ADAMTSL1: variants seen among roughly 807,000 people sequenced by gnomAD.
The protein encoded by ADAMTSL1 is ADAMTS like 1.
ADAMTSL1 carries 126 observed loss-of-function variants against 201.8 expected under a neutral mutation model. The observed-to-expected ratio is 0.62, with a 90% CI of 0.54 to 0.72. ADAMTSL1 has a LOEUF of 0.72. Ranked by LOEUF, ADAMTSL1 falls within the 30% of genes least tolerant of loss-of-function variation. The probability of loss-of-function intolerance (pLI) is 0.00; values close to 1 mark genes in which losing one functional copy is unlikely to be tolerated. For missense variants in ADAMTSL1, 2,679 were observed against 2,277.8 expected, an observed-to-expected ratio of 1.18 and a Z score of -3.59; for synonymous variants, 1,121 against 903.4, an observed-to-expected ratio of 1.24 and a Z score of -4.32.
chr9:18,017,373 C>G (rs1027673657), intron 1 of ADAMTSL1, among the ~76,000 whole-genome samples: 1 of 151,798 alleles, frequency 6.6e-6, no homozygotes, highest in African/African-American at 2.4e-5. Context: ...CTTTCCCAGA[C>G]CCTGCTTTTA....
chr9:18,255,356 A>G (rs80231551), intron 2 of ADAMTSL1, among the ~76,000 whole-genome samples: 70 of 105,610 alleles, frequency 6.6e-4, no homozygotes, highest in African/African-American at 2.2e-3. Context: ...TCATACTTAG[A>G]AAAAAAAAAA....
intron 2 of ADAMTSL1, among the ~76,000 whole-genome samples, chr9:18,440,227 A>T (rs1225720906): frequency 6.6e-6 from 1 of 152,162 alleles, no homozygotes; most frequent in Non-Finnish European, 1.5e-5. Context: ...GCATCCTGGG[A>T]AACACACACT....
chr9:18,810,634 A>C (rs956468587), intron 20 of ADAMTSL1, among the ~76,000 whole-genome samples: 19 of 152,206 alleles, frequency 1.2e-4, no homozygotes, highest in Admixed American at 6.5e-4. Flanking sequence ...GGTTATATGA[A>C]TATGATCTCA....
intron 21 of ADAMTSL1, among the ~76,000 whole-genome samples, chr9:18,822,420 C>A (rs1824265530): frequency 1.3e-5 from 2 of 152,160 alleles, no homozygotes; most frequent in African/African-American, 4.8e-5. Flanking sequence ...TTTGACAGTT[C>A]AGAAATAGTA....
chr9:18,637,347 C>G (rs1196118002), intron 6 of ADAMTSL1, among the ~76,000 whole-genome samples: 1 of 152,114 alleles, frequency 6.6e-6, no homozygotes, highest in Non-Finnish European at 1.5e-5. Context: ...TAACTCTCCA[C>G]TCAAAAATAG....
chr9:18,786,150 G>T (rs1220106991), intron 19 of ADAMTSL1, among the ~76,000 whole-genome samples: 1 of 152,224 alleles, frequency 6.6e-6, no homozygotes, highest in Non-Finnish European at 1.5e-5. Context: ...ATTTCTTCCT[G>T]TGGGTGGGAG....
At chr9:17,936,096 A>G (rs1826997304) in intron 1 of ADAMTSL1, among the ~76,000 whole-genome samples, 1 of 152,200 alleles carries the variant, frequency 6.6e-6, no homozygotes. Context: ...AACAAAACAA[A>G]AATAATATCT....
chr9:18,572,013 C>G (rs555423892), intron 3 of ADAMTSL1, among the ~76,000 whole-genome samples: 1 of 151,920 alleles, frequency 6.6e-6, no homozygotes, highest in Admixed American at 6.6e-5. Flanking sequence ...GCCAACATGG[C>G]AAAACCCTGT....
At chr9:18,421,618 G>T (rs1818953137) in intron 2 of ADAMTSL1, among the ~76,000 whole-genome samples, 1 of 152,136 alleles carries the variant, frequency 6.6e-6, no homozygotes, top group African/African-American at 2.4e-5. Context: ...GTCCCCTGCT[G>T]TCAAAGATAC....
chr9:18,172,319 G>A (rs1827935617), intron 2 of ADAMTSL1, among the ~76,000 whole-genome samples: 1 of 151,968 alleles, frequency 6.6e-6, no homozygotes, highest in Admixed American at 6.6e-5. Context: ...AAGATGAACA[G>A]CCCAATAGAA....
chr9:18,591,280 G>GT (rs546633464), intron 4 of ADAMTSL1, among the ~76,000 whole-genome samples: 52 of 152,122 alleles, frequency 3.4e-4, no homozygotes, highest in African/African-American at 1.3e-3. Flanking sequence ...AATGACCTTT[G>GT]TCTCTTTTTA....
chr9:18,791,164 G>A (rs538276136), intron 19 of ADAMTSL1, among the ~76,000 whole-genome samples: 18 of 152,192 alleles, frequency 1.2e-4, no homozygotes, highest in South Asian at 1.0e-3. Context: ...CTCTCTAGTC[G>A]CCAGGCTAGG....
rs1157508689 is a variant in ADAMTSL1 at position 18,909,995 on chromosome 9, C to G, written c.*1447C>G. The G allele has an allele frequency of 6.6e-6, 1 of 152,172 alleles. No individual in the cohort carries two copies. Among genetic ancestry groups the G allele is most frequent in the Non-Finnish European group, 1.5e-5 (1 of 68,042 alleles). The allele number at this position is 152,172 out of a possible 1,614,324, so 9.4% of individuals were successfully genotyped here. A position where few individuals can be genotyped will look rare whatever the true frequency, so the allele number is the denominator to read the frequency against. On this transcript the variant is annotated 3_prime_UTR_variant, in exon 29 of 29. Transcript: ENST00000380548. ...AGCTTTGGCCAAGTAATTTTTGCCT[C>G]CTTCCCTCGCGTGGCCTGAGTTTAG...
intron 10 of ADAMTSL1, among the ~76,000 whole-genome samples, chr9:18,677,923 C>G (rs147540249): frequency 1.3e-3 from 204 of 152,054 alleles, no homozygotes; most frequent in African/African-American, 4.6e-3. Context: ...TGTTTTCATT[C>G]GTAAGAAGAA....
At chr9:17,946,288 C>G (rs1374206359) in intron 1 of ADAMTSL1, among the ~76,000 whole-genome samples, 2 of 151,984 alleles carry the variant, frequency 1.3e-5, no homozygotes, top group African/African-American at 2.4e-5. Flanking sequence ...CTTGAACCAT[C>G]ATGCCGAGCT....
At chr9:18,884,622 TCCATTTTCCCAGAA>T (rs2131524957) in intron 23 of ADAMTSL1, among the ~76,000 whole-genome samples, 1 of 152,338 alleles carries the variant, frequency 6.6e-6, no homozygotes, top group South Asian at 2.1e-4. Context: ...CATATGGATA[TCCATTTTCCCAGAA>T]CCATTTGTTG....
At chr9:18,708,355 G>A (rs1188908654) in intron 14 of ADAMTSL1, among the ~76,000 whole-genome samples, 1 of 152,184 alleles carries the variant, frequency 6.6e-6, no homozygotes, top group Non-Finnish European at 1.5e-5. Flanking sequence ...ACATCTTCCA[G>A]TTTCAAACCC....
chr9:18,523,249 G>C (rs967443031), intron 2 of ADAMTSL1, among the ~76,000 whole-genome samples: 1 of 152,180 alleles, frequency 6.6e-6, no homozygotes, highest in Non-Finnish European at 1.5e-5. Context: ...CTTTTGAGAA[G>C]TGTCTGTTCA....
At chr9:17,986,905 T>C (rs1337595207) in intron 1 of ADAMTSL1, among the ~76,000 whole-genome samples, 2 of 152,252 alleles carry the variant, frequency 1.3e-5, no homozygotes, top group East Asian at 3.9e-4. Context: ...AGTGCTAAAA[T>C]GTAAATGTGT....
Sources: allele counts gnomAD v4.1 joint callset (sites outside exome capture counted in the v4.1 genomes callset), GRCh38; gene constraint gnomAD v4.1.1; transcripts MANE v1.5; gene names NCBI Gene and HGNC (gene_info 2026-07-23, HGNC 2026-07-21).